The following ACOT11 variants were observed in gnomAD, a reference collection of about 807,000 sequenced individuals.
ACOT11 encodes the protein acyl-CoA thioesterase 11, also known as acyl-coenzyme A thioesterase 11.
A neutral mutation model predicts 77.5 loss-of-function variants in ACOT11; 69 were observed. The observed-to-expected ratio is 0.89, with a 90% CI of 0.73 to 1.09. ACOT11 has a LOEUF of 1.09. ACOT11 is among the 50% of genes least tolerant of loss of function. ACOT11 has a pLI of 0.00. For missense variants in ACOT11, 766 were observed against 813.7 expected, an observed-to-expected ratio of 0.94 and a Z score of 0.71; for synonymous variants, 279 against 313.0, an observed-to-expected ratio of 0.89 and a Z score of 1.15.
chr1:54,558,218 C>T (rs1051803343), intron 1 of ACOT11, among the ~76,000 whole-genome samples: 4 of 152,148 alleles, frequency 2.6e-5, no homozygotes, highest in African/African-American at 7.2e-5. Flanking sequence ...ACAGCTAGTG[C>T]AGGAGAGATA....
chr1:54,610,284 C>T lies in ACOT11; in HGVS notation c.*1172C>T. ...CTCCCTCCCCGCAACCCTGCCCCAC[C>T]TTGCATCCAGGGTATGGTGTAAATA... On this transcript the variant is annotated 3_prime_UTR_variant, in exon 16 of 16. Transcript: ENST00000343744. 1.3e-6 allele frequency: 2 copies of T among 1,511,014 alleles called. No individual in the cohort carries two copies. The highest frequency in any genetic ancestry group is 2.3e-5 in the East Asian group (1 of 43,794). The allele number at this position is 1,511,014 out of a possible 1,614,324, so 93.6% of individuals were successfully genotyped here.
chr1:54,554,847 C>G (rs535539833), intron 1 of ACOT11, among the ~76,000 whole-genome samples: 1 of 152,172 alleles, frequency 6.6e-6, no homozygotes, highest in Non-Finnish European at 1.5e-5. Context: ...TTTTGAGGAA[C>G]CTCCATACTG....
At position 54,629,456 on chromosome 1, in the gene ACOT11, T is replaced by G. The variant is rs1268150095; in HGVS notation, c.1630-1278T>G. Among the ~76,000 whole-genome samples the G allele has an allele frequency of 1.5e-5, 2 of 131,620 alleles. 1 individual carries two copies. Among genetic ancestry groups the G allele is most frequent in the Non-Finnish European group, 3.4e-5 (2 of 58,302 alleles). The allele number at this position is 131,620 out of a possible 152,430, so 86.3% of individuals were successfully genotyped here. On this transcript the variant is annotated intron_variant, in intron 15 of 16. Transcript: ENST00000371316. The stretch of plus-strand genomic sequence containing the variant: ...TACATGCCACCACACCCGGCTAATT[T>G]TTTGTATTTTTAGCAGAGATGGGGT...
At chr1:54,591,328 A>G (rs999301965) in intron 3 of ACOT11, among the ~76,000 whole-genome samples, 6 of 152,136 alleles carry the variant, frequency 3.9e-5, no homozygotes, top group Admixed American at 2.6e-4. Context: ...ACAGAAGGAA[A>G]TGGACTCAGA....
chr1:54,613,386 A>G (rs1329191696), downstream of ACOT11, among the ~76,000 whole-genome samples: 4 of 151,956 alleles, frequency 2.6e-5, no homozygotes, highest in Admixed American at 6.6e-5. Context: ...CTCAAAAAAA[A>G]AAAACTTTTT....
chr1:54,620,800 G>C (rs1342020651), intron 15 of ACOT11, among the ~76,000 whole-genome samples: 2 of 123,834 alleles, frequency 1.6e-5, no homozygotes, highest in Non-Finnish European at 3.2e-5. Flanking sequence ...AGTGAGCCGA[G>C]ATTGCACCAC....
In ACOT11 at chr1:54,607,845, C is replaced by G. The variant is rs1644047265; in HGVS notation, c.1503-97C>G. 1 of 1,510,856 alleles carries G rather than the reference C, an allele frequency of 6.6e-7. No individual in the cohort carries two copies. Among genetic ancestry groups the G allele is most frequent in the Non-Finnish European group, 9.0e-7 (1 of 1,105,752 alleles). The allele number at this position is 1,510,856 out of a possible 1,614,324, so 93.6% of individuals were successfully genotyped here. A position where few individuals can be genotyped will look rare whatever the true frequency, so the allele number is the denominator to read the frequency against. ...GCATCCCCCTGGTGAGGAATCTGTG[C>G]TAGAGGGGGCAGGGTCTCGGCCTTG... is the stretch of plus-strand genomic sequence containing the variant. On this transcript the variant is annotated intron_variant, in intron 14 of 15. Transcript: ENST00000343744. This position sits in a 1 kb window ranked among gnomAD's most constrained non-coding sequence, Gnocchi z 4.5.
chr1:54,614,805 A>G, downstream of ACOT11: 1 of 1,614,186 alleles, frequency 6.2e-7, no homozygotes, highest in Non-Finnish European at 8.5e-7. Context: ...CAGCTGCCGC[A>G]GGAGGTCCAG....
Position 54,607,025 on chromosome 1 carries a change from C to A in ACOT11, c.1371-109C>A. On this transcript the variant is annotated intron_variant, in intron 13 of 15. Coordinates refer to ENST00000343744, the MANE Select transcript of ACOT11 (RefSeq NM_147161.4). The surrounding 1 kb of genome is among the most constrained non-coding windows in gnomAD (Gnocchi z 4.5). ...CTGAGCAGTACAGGGGGTGACATCC[C>A]ATCACAGAAGCTGCTCAGGCACTGC... The A allele has an allele frequency of 6.8e-7, 1 of 1,477,310 alleles. No homozygotes were observed. Among genetic ancestry groups the A allele is most frequent in the Non-Finnish European group, 9.2e-7 (1 of 1,090,348 alleles). The allele number at this position is 1,477,310 out of a possible 1,614,324, so 91.5% of individuals were successfully genotyped here. A position where few individuals can be genotyped will look rare whatever the true frequency, so the allele number is the denominator to read the frequency against.
intron 1 of ACOT11, among the ~76,000 whole-genome samples, chr1:54,559,091 TG>T (rs1402811570): frequency 1.3e-5 from 2 of 152,204 alleles, no homozygotes; most frequent in African/African-American, 4.8e-5. Flanking sequence ...GTGACATGCC[TG>T]GGTTTGCACA....
downstream of ACOT11, among the ~76,000 whole-genome samples, chr1:54,612,241 G>A (rs1644126655): frequency 6.6e-6 from 1 of 151,878 alleles, no homozygotes; most frequent in South Asian, 2.1e-4. Flanking sequence ...GACAAATTGT[G>A]TCTTGGTATA....
At chr1:54,555,067 T>C (rs1653214563) in intron 1 of ACOT11, among the ~76,000 whole-genome samples, 1 of 152,222 alleles carries the variant, frequency 6.6e-6, no homozygotes, top group South Asian at 2.1e-4. Context: ...CAAGTGATTC[T>C]CCTGCCTCAG....
intron 1 of ACOT11, among the ~76,000 whole-genome samples, chr1:54,575,222 G>A (rs1468946055): frequency 2.0e-5 from 3 of 152,200 alleles, no homozygotes; most frequent in Non-Finnish European, 4.4e-5. Context: ...GGATCCCTAT[G>A]TACCTCACCA....
Position 54,603,943 on chromosome 1 carries a change from G to T in ACOT11, c.1152+6G>T. On this transcript the variant is annotated splice_donor_region_variant and intron_variant, in intron 11 of 15. Coordinates refer to ENST00000343744, the MANE Select transcript of ACOT11 (RefSeq NM_147161.4). ...CCTGGGACCCTAGCAACCAGGTAAG[G>T]CTCTCTGCTCCGAGAGGACAGTCTT... The T allele has an allele frequency of 6.2e-7, 1 of 1,613,752 alleles. No individual in the cohort carries two copies. The highest frequency in any genetic ancestry group is 8.5e-7 in the Non-Finnish European group (1 of 1,179,726).
At chr1:54,616,199 G>A (rs540562427) in intron 15 of ACOT11, 1 of 1,570,156 alleles carries the variant, frequency 6.4e-7, no homozygotes, top group East Asian at 2.3e-5. Flanking sequence ...AACTCAGTGA[G>A]TTCCTTTTTT....
intron 12 of ACOT11, among the ~76,000 whole-genome samples, chr1:54,604,724 A>G (rs1379467505): frequency 1.3e-5 from 2 of 152,074 alleles, no homozygotes; most frequent in Admixed American, 1.3e-4. Context: ...TGATCACTGC[A>G]GGGATCGGGG....
At chr1:54,587,419 C>G (rs1036239585) in intron 3 of ACOT11, among the ~76,000 whole-genome samples, 17 of 151,348 alleles carry the variant, frequency 1.1e-4, no homozygotes, top group African/African-American at 3.6e-4. Flanking sequence ...GAGGCTGAGG[C>G]AGAGAATTGC....
intron 1 of ACOT11, among the ~76,000 whole-genome samples, chr1:54,559,012 T>C (rs1431972890): frequency 6.6e-6 from 1 of 151,574 alleles, no homozygotes. Flanking sequence ...ATTCACCCCC[T>C]GACTCCTCAC....
rs750096553 is a variant in ACOT11, at chr1:54,584,594, C to T, written c.34-61C>T. 11 of 1,515,426 alleles carry T rather than the reference C, an allele frequency of 7.3e-6. No homozygotes were observed. The highest frequency in any genetic ancestry group is 1.4e-5 in the African/African-American group (1 of 72,706). 93.9% of individuals were successfully genotyped at this position (1,515,426 alleles called of 1,614,324 possible). A position where few individuals can be genotyped will look rare whatever the true frequency, so the allele number is the denominator to read the frequency against. On this transcript the variant is annotated intron_variant, in intron 1 of 15. Coordinates refer to ENST00000343744, the MANE Select transcript of ACOT11 (RefSeq NM_147161.4). This position sits in a 1 kb window ranked among gnomAD's most constrained non-coding sequence, Gnocchi z 6.3. ...CCCTAAGTTCTCAGGGCTGGACAGA[C>T]CTGGGAGACCCTGCAGCAAGCAGAC...
Sources: allele counts gnomAD v4.1 joint callset (sites outside exome capture counted in the v4.1 genomes callset), GRCh38; gene constraint gnomAD v4.1.1; non-coding constraint Gnocchi (gnomAD v3.1); transcripts MANE v1.5; gene names NCBI Gene and HGNC (gene_info 2026-07-23, HGNC 2026-07-21).